RCL1: variants seen among roughly 807,000 people sequenced by gnomAD.
RCL1 encodes RNA terminal phosphate cyclase like 1, also known as RNA 3'-terminal phosphate cyclase-like protein.
Under a neutral mutation model 42.4 loss-of-function variants are expected in RCL1, and 24 were observed. The ratio of observed to expected loss-of-function variants is 0.57; its 90% CI spans 0.41 to 0.80. The LOEUF is 0.80. Ranked by LOEUF, RCL1 falls within the 30% of genes least tolerant of loss-of-function variation. The probability of loss-of-function intolerance (pLI) is 0.00; values close to 1 mark genes in which losing one functional copy is unlikely to be tolerated. For missense variants in RCL1, 578 were observed against 467.9 expected (o/e 1.24, Z -2.17); for synonymous variants, 228 against 177.3 (o/e 1.29, Z -2.27).
intron 1 of RCL1, among the ~76,000 whole-genome samples, chr9:4,817,785 C>A (rs1187397374): frequency 1.3e-5 from 2 of 152,084 alleles, no homozygotes; most frequent in African/African-American, 2.4e-5. Flanking sequence ...GCGTGAGCCA[C>A]CACACCCAGC....
In RCL1 at chr9:4,834,280, T is replaced by G. The variant is rs1284145678; in HGVS notation, c.584+15T>G. The G allele has an allele frequency of 6.3e-7, 1 of 1,599,734 alleles. No individual in the cohort carries two copies. The highest frequency in any genetic ancestry group is 8.5e-7 in the Non-Finnish European group (1 of 1,173,686). On this transcript the variant is annotated intron_variant, in intron 5 of 8. Transcript: ENST00000381750. ...AGAGGAATGGCGTATCCTTTCCATTTATTTGGATTTCTTTTTTTTTTGTTG... is the reference window on the plus strand; with the variant it reads ...AGAGGAATGGCGTATCCTTTCCATTGATTTGGATTTCTTTTTTTTTTGTTG...
intron 1 of RCL1, among the ~76,000 whole-genome samples, chr9:4,818,478 A>G (rs1286310311): frequency 2.0e-5 from 3 of 152,234 alleles, no homozygotes; most frequent in Non-Finnish European, 4.4e-5. Flanking sequence ...TATTCCAAGA[A>G]TTGAGTATGT....
At chr9:4,793,324 G>C (rs1842861779) in intron 1 of RCL1, 97 bp downstream of exon 1, 2 of 1,346,846 alleles carry the variant, frequency 1.5e-6, no homozygotes, top group South Asian at 1.6e-5. Context: ...TGGGCGGCTC[G>C]GCGTCCGGCG....
chr9:4,798,269 GTC>G (rs1434042795), intron 1 of RCL1, among the ~76,000 whole-genome samples: 1 of 152,210 alleles, frequency 6.6e-6, no homozygotes, highest in Non-Finnish European at 1.5e-5. Flanking sequence ...CAGTTTAACA[GTC>G]TCTGTATAAT....
At chr9:4,816,993 A>G (rs1216909489) in intron 1 of RCL1, among the ~76,000 whole-genome samples, 1 of 151,832 alleles carries the variant, frequency 6.6e-6, no homozygotes, top group Non-Finnish European at 1.5e-5. Flanking sequence ...ATTTTTTTGT[A>G]TTTTTGGTAG....
chr9:4,845,339 G>T (rs1171700816), intron 7 of RCL1, among the ~76,000 whole-genome samples: 1 of 152,248 alleles, frequency 6.6e-6, no homozygotes, highest in Admixed American at 6.5e-5. Flanking sequence ...GACTCAACCA[G>T]TTGTCATTTT....
chr9:4,850,212 G>A, intron 8 of RCL1: 1 of 489,908 alleles, frequency 2.0e-6, no homozygotes, highest in Non-Finnish European at 4.4e-6. Context: ...GTTTTCACGT[G>A]CTTGCATACT....
chr9:4,827,818 T>C (rs1158020292), intron 3 of RCL1, among the ~76,000 whole-genome samples: 2 of 151,678 alleles, frequency 1.3e-5, no homozygotes, highest in Non-Finnish European at 2.9e-5. Context: ...AGAAGTCCTG[T>C]CCAGGCCTCC....
Position 4,792,966 on chromosome 9 carries a change from C to G in RCL1, c.-126C>G. On this transcript the variant is annotated 5_prime_UTR_variant, in exon 1 of 9. Coordinates refer to ENST00000381750, the MANE Select transcript of RCL1 (RefSeq NM_005772.5). The stretch of plus-strand genomic sequence containing the variant: ...TCCAAACCACGTGGACGCGTCTGGG[C>G]TGCTGGAGGCAGCCCGAGCCGCCGC... The G allele has an allele frequency of 2.9e-6, 3 of 1,044,088 alleles. No individual in the cohort carries two copies. Among genetic ancestry groups the G allele is most frequent in the Non-Finnish European group, 4.1e-6 (3 of 737,458 alleles). The allele number at this position is 1,044,088 out of a possible 1,614,324, so 64.7% of individuals were successfully genotyped here.
chr9:4,796,881 G>A (rs1028151736), intron 1 of RCL1, among the ~76,000 whole-genome samples: 1 of 152,142 alleles, frequency 6.6e-6, no homozygotes, highest in Admixed American at 6.6e-5. Context: ...TTTCCTCTGG[G>A]TAGATACCCA....
At chr9:4,796,202 G>A (rs553322675) in intron 1 of RCL1, among the ~76,000 whole-genome samples, 24 of 152,172 alleles carry the variant, frequency 1.6e-4, no homozygotes, top group Admixed American at 1.4e-3. Flanking sequence ...AGTGAACATC[G>A]TACCCAATAG....
intron 1 of RCL1, among the ~76,000 whole-genome samples, chr9:4,817,741 C>T (rs1277080498): frequency 1.3e-5 from 2 of 152,068 alleles, no homozygotes; most frequent in Admixed American, 1.3e-4. Flanking sequence ...AAGTAATTTG[C>T]CTGCCTCAGC....
chr9:4,859,421 A>T (rs1818081727), intron 8 of RCL1, among the ~76,000 whole-genome samples: 1 of 152,184 alleles, frequency 6.6e-6, no homozygotes, highest in Non-Finnish European at 1.5e-5. Context: ...ATACCACTAG[A>T]TTGAAATCCT....
At chr9:4,825,930 C>CA (rs762933061) in intron 2 of RCL1, among the ~76,000 whole-genome samples, 467 of 139,150 alleles carry the variant, frequency 3.4e-3, no homozygotes, top group African/African-American at 6.5e-3. Flanking sequence ...GACCCTTTCT[C>CA]AAAAAAAAAA....
At chr9:4,817,238 C>A (rs934878664) in intron 1 of RCL1, among the ~76,000 whole-genome samples, 1 of 151,860 alleles carries the variant, frequency 6.6e-6, no homozygotes, top group African/African-American at 2.4e-5. Context: ...CTTTTGTGTC[C>A]TTTTCATTTA....
chr9:4,826,420 G>A (rs142313726), intron 2 of RCL1, among the ~76,000 whole-genome samples: 2 of 152,072 alleles, frequency 1.3e-5, no homozygotes, highest in African/African-American at 4.8e-5. Flanking sequence ...TTGGCATCAT[G>A]TTTGGTGAAT....
At chr9:4,827,541 T>C (rs17718266) in intron 3 of RCL1, among the ~76,000 whole-genome samples, 14,972 of 152,224 alleles carry the variant, frequency 0.098, 968 homozygotes, top group Middle Eastern at 0.23. Flanking sequence ...GAAAGGAATG[T>C]GTGAGCTTTG....
At chr9:4,843,646 C>A (rs759599504) in intron 6 of RCL1, among the ~76,000 whole-genome samples, 3 of 152,110 alleles carry the variant, frequency 2.0e-5, no homozygotes, top group Admixed American at 2.0e-4. Context: ...TAAAGTTTAT[C>A]GTAATGACAA....
chr9:4,850,495 T>TTTC (rs1331650224), intron 8 of RCL1: 14 of 191,708 alleles, frequency 7.3e-5, no homozygotes, highest in East Asian at 2.3e-4. Context: ...TTTTTTTTCT[T>TTTC]TTTTTTTTTT....
Sources: gnomAD v4.1 joint callset for allele counts (sites outside exome capture counted in the v4.1 genomes callset) on GRCh38, gnomAD v4.1.1 for gene constraint, MANE v1.5 for transcripts, NCBI Gene and HGNC (gene_info 2026-07-23, HGNC 2026-07-21) for gene names.